Variants in GTF3C1 observed in about 807,000 individuals in gnomAD.
The protein encoded by GTF3C1 is general transcription factor 3C polypeptide 1.
A neutral mutation model predicts 226.7 loss-of-function variants in GTF3C1; 57 were observed. The ratio of observed to expected loss-of-function variants is 0.25; its 90% CI spans 0.20 to 0.31. GTF3C1 has a LOEUF of 0.31. Among genes scored for constraint, GTF3C1 ranks in the 10% least tolerant of loss-of-function variants. GTF3C1 has a pLI of 1.00. For synonymous variants in GTF3C1, 1,090 were observed against 1,084.8 expected, an observed-to-expected ratio of 1.00 and a Z score of -0.09; for missense variants, 2,217 against 2,776.1, an observed-to-expected ratio of 0.80 and a Z score of 4.53.
Position 27,461,654 on chromosome 16 carries a change from C to T in GTF3C1, c.6118-92G>A, listed in dbSNP as rs1027044157. The T allele has an allele frequency of 3.2e-6, 3 of 950,132 alleles. No homozygotes were observed. The highest frequency in any genetic ancestry group is 4.9e-6 in the Non-Finnish European group (3 of 615,916). The allele number at this position is 950,132 out of a possible 1,614,324, so 58.9% of individuals were successfully genotyped here. On this transcript the variant is annotated intron_variant, in intron 36 of 36. Transcript: ENST00000356183. The surrounding 1 kb of genome is among the most constrained non-coding windows in gnomAD (Gnocchi z 5.3). Reference sequence around the variant, plus strand: ...GCATTTATGGAATGCCCCCTCTGTACCAGGGAGCCACTTCCCAGAGCAGGG... The same window carrying T: ...GCATTTATGGAATGCCCCCTCTGTATCAGGGAGCCACTTCCCAGAGCAGGG...
chr16:27,485,941 C>G, intron 24 of GTF3C1, 56 bp downstream of exon 24: 2 of 1,275,264 alleles, frequency 1.6e-6, no homozygotes, highest in South Asian at 1.4e-5. Flanking sequence ...AAGGCTCAGA[C>G]AGGAAGGAGC....
intron 5 of GTF3C1, among the ~76,000 whole-genome samples, chr16:27,529,652 A>G (rs2088885618): frequency 6.6e-6 from 1 of 152,108 alleles, no homozygotes; most frequent in Admixed American, 6.6e-5. Flanking sequence ...CAAGAAAGTA[A>G]TTTACTTGCC....
intron 6 of GTF3C1, among the ~76,000 whole-genome samples, chr16:27,512,117 T>C (rs976468980): frequency 1.3e-5 from 2 of 152,136 alleles, no homozygotes; most frequent in Non-Finnish European, 2.9e-5. Flanking sequence ...TTTAGAAGAA[T>C]GAGTGAAGAA....
At chr16:27,535,751 C>A (rs759273710) in intron 4 of GTF3C1, among the ~76,000 whole-genome samples, 1 of 151,810 alleles carries the variant, frequency 6.6e-6, no homozygotes, top group African/African-American at 2.4e-5. Flanking sequence ...TAGCTGGGCG[C>A]GGTGGTGCAT....
chr16:27,545,059 C>A (rs2089143425), intron 2 of GTF3C1, among the ~76,000 whole-genome samples: 1 of 151,350 alleles, frequency 6.6e-6, no homozygotes, highest in Admixed American at 6.6e-5. Context: ...TGCAGCCTGC[C>A]TCTGCTTTCT....
rs1596630569 is a variant in GTF3C1 at position 27,492,225 on chromosome 16, T to C, written c.3151+113A>G. 1 of 690,106 alleles carries C rather than the reference T, an allele frequency of 1.4e-6. No individual in the cohort carries two copies. The highest frequency in any genetic ancestry group is 2.5e-5 in the East Asian group (1 of 39,388). The allele number at this position is 690,106 out of a possible 1,614,324, so 42.7% of individuals were successfully genotyped here. A position where few individuals can be genotyped will look rare whatever the true frequency, so the allele number is the denominator to read the frequency against. On this transcript the variant is annotated intron_variant, in intron 19 of 36. Transcript: ENST00000356183. The surrounding 1 kb of genome is among the most constrained non-coding windows in gnomAD (Gnocchi z 5.0). Reference sequence around the variant, plus strand: ...GGTGCTCTGGGCCTCTGGGGAGCACTCGGAACATACCACTGGTTGAGGCAA... The same window carrying C: ...GGTGCTCTGGGCCTCTGGGGAGCACCCGGAACATACCACTGGTTGAGGCAA...
At chr16:27,538,742 G>A (rs925069895) in intron 2 of GTF3C1, among the ~76,000 whole-genome samples, 25 of 152,196 alleles carry the variant, frequency 1.6e-4, no homozygotes, top group Admixed American at 5.2e-4. Flanking sequence ...GAGGCTTCCT[G>A]TTCCTAAGAC....
intron 6 of GTF3C1, among the ~76,000 whole-genome samples, chr16:27,521,288 C>A (rs548970741): frequency 6.6e-6 from 1 of 152,370 alleles, no homozygotes; most frequent in Admixed American, 6.5e-5. Flanking sequence ...CCCTTCTCAG[C>A]CTGTAAAGGC....
intron 33 of GTF3C1, 85 bp from the exon 34 acceptor site, chr16:27,464,921 CT>C (rs2087762477): frequency 8.4e-7 from 1 of 1,189,300 alleles, no homozygotes; most frequent in East Asian, 2.6e-5. Flanking sequence ...GTGGCCTCCC[CT>C]GACTGGCGGG....
Position 27,469,431 on chromosome 16 carries a change from T to C in GTF3C1, c.4934A>G (p.Tyr1645Cys), listed in dbSNP as rs776181364. Reference sequence around the variant, plus strand: ...GGAGTAGTAGCCCCTCATCAGCAGGTAGTTGGTGTGGGAGGCTTGCGCAGG... The same window carrying C: ...GGAGTAGTAGCCCCTCATCAGCAGGCAGTTGGTGTGGGAGGCTTGCGCAGG... ...VKPAQASHTNYLLMRGYYSPG... is the reference protein window; with the variant it reads ...VKPAQASHTNCLLMRGYYSPG... The change falls in exon 32 of 37, where the codon TAC (tyrosine) becomes TGC (cysteine). Residue 1645 changes from tyrosine (Y) to cysteine (C), a missense_variant. Physicochemically the swap from Tyr to Cys is radical, Grantham distance 194. Transcript: ENST00000356183. This position sits in a 1 kb window ranked among gnomAD's most constrained non-coding sequence, Gnocchi z 4.5. 2 of 1,614,098 alleles carry C rather than the reference T, an allele frequency of 1.2e-6. No individual in the cohort carries two copies. Among genetic ancestry groups the C allele is most frequent in the Non-Finnish European group, 1.7e-6 (2 of 1,179,978 alleles).
Position 27,528,725 on chromosome 16 carries a change from C to A in GTF3C1, c.850-4G>T. ...TAAACGTCCTTTCGCACAGCCCCTG[C>A]CAAAACACAATTTAAAGGCTACTAT... On this transcript the variant is annotated splice_region_variant and splice_polypyrimidine_tract_variant and intron_variant, in intron 5 of 36. Coordinates refer to ENST00000356183, the MANE Select transcript of GTF3C1 (RefSeq NM_001520.4). 1 of 1,613,310 alleles carries A rather than the reference C, an allele frequency of 6.2e-7. No homozygotes were observed. Among genetic ancestry groups the A allele is most frequent in the East Asian group, 2.2e-5 (1 of 44,874 alleles).
intron 4 of GTF3C1, among the ~76,000 whole-genome samples, chr16:27,535,120 T>C (rs2088980741): frequency 1.3e-5 from 2 of 152,192 alleles, no homozygotes; most frequent in Non-Finnish European, 2.9e-5. Flanking sequence ...CACGGTGCCA[T>C]TTGCAGTGGA....
At chr16:27,499,678 T>C (rs1437145965) in intron 12 of GTF3C1, among the ~76,000 whole-genome samples, 1 of 151,928 alleles carries the variant, frequency 6.6e-6, no homozygotes, top group Non-Finnish European at 1.5e-5. Context: ...AGCTTTGTGG[T>C]TTTGTGAAGC....
chr16:27,463,278 C>G lies in GTF3C1; in HGVS notation c.5924+263G>C, dbSNP rs2087731650. On this transcript the variant is annotated intron_variant, in intron 35 of 36. Transcript: ENST00000356183. The surrounding 1 kb of genome is among the most constrained non-coding windows in gnomAD (Gnocchi z 4.9). ...GCCAGTGAAGCACAGCTGACAGCACCAGGCATGGTTCTCCACCAGCGCCCT... is the reference window on the plus strand; with the variant it reads ...GCCAGTGAAGCACAGCTGACAGCACGAGGCATGGTTCTCCACCAGCGCCCT... The G allele has an allele frequency of 2.0e-6, 1 of 511,238 alleles. No individual in the cohort carries two copies. The highest frequency in any genetic ancestry group is 3.7e-5 in the Admixed American group (1 of 26,746). The allele number at this position is 511,238 out of a possible 1,614,324, so 31.7% of individuals were successfully genotyped here.
chr16:27,465,190 A>C, intron 33 of GTF3C1, 70 bp downstream of exon 33: 1 of 1,393,072 alleles, frequency 7.2e-7, no homozygotes, highest in Non-Finnish European at 1.0e-6. Flanking sequence ...GCCCATCCTC[A>C]GTGTGCACCT....
At chr16:27,528,527 G>C (rs1420764277) in intron 6 of GTF3C1, 71 bp downstream of exon 6, 1 of 1,188,864 alleles carries the variant, frequency 8.4e-7, no homozygotes, top group East Asian at 2.3e-5. Context: ...CAGAGAGAGA[G>C]AGGCTGAAGC....
intron 16 of GTF3C1, among the ~76,000 whole-genome samples, chr16:27,493,877 C>T (rs183556290): frequency 2.0e-3 from 306 of 151,744 alleles, no homozygotes; most frequent in African/African-American, 6.7e-3. Flanking sequence ...AAATACAAAA[C>T]ATTCTTTAGT....
chr16:27,516,773 C>T (rs2088665393), intron 6 of GTF3C1, among the ~76,000 whole-genome samples: 2 of 152,214 alleles, frequency 1.3e-5, no homozygotes, highest in Admixed American at 1.3e-4. Context: ...GCTGGGACTA[C>T]AGACATACAC....
chr16:27,478,423 G>C, intron 28 of GTF3C1, 46 bp downstream of exon 28: 5 of 1,258,368 alleles, frequency 4.0e-6, no homozygotes, highest in Non-Finnish European at 5.8e-6. Flanking sequence ...CAGCCATCAA[G>C]TTATTAAGCA....
Sources: gnomAD v4.1 joint callset for allele counts (sites outside exome capture counted in the v4.1 genomes callset) on GRCh38, gnomAD v4.1.1 for gene constraint, Gnocchi (gnomAD v3.1) non-coding constraint, MANE v1.5 for transcripts, NCBI Gene and HGNC (gene_info 2026-07-23, HGNC 2026-07-21) for gene names.